DRC8: variants seen among roughly 807,000 people sequenced by gnomAD.
DRC8 encodes dynein regulatory complex protein 8.
chr1:245,003,865 A>G, the DRC8 span, among the ~76,000 whole-genome samples: 1 of 152,020 alleles, frequency 6.6e-6, no homozygotes, highest in African/African-American at 2.4e-5. Flanking sequence ...CAGCCTCCCA[A>G]AATGCTGGGA....
the DRC8 span, among the ~76,000 whole-genome samples, chr1:244,984,130 G>C: frequency 1.9e-4 from 28 of 150,314 alleles, no homozygotes; most frequent in Non-Finnish European, 3.1e-4. Flanking sequence ...AATTTTTTTG[G>C]GGGGGGGGAA....
chr1:245,107,938 C>T, the DRC8 span, among the ~76,000 whole-genome samples: 1 of 152,144 alleles, frequency 6.6e-6, no homozygotes, highest in African/African-American at 2.4e-5. Context: ...TGGAGGCTAA[C>T]TCCTCCTCTG....
chr1:245,098,874 C>T, the DRC8 span, among the ~76,000 whole-genome samples: 3 of 152,180 alleles, frequency 2.0e-5, no homozygotes, highest in Non-Finnish European at 2.9e-5. Flanking sequence ...GCCCGTGTGG[C>T]GGCTGTCGAA....
At chr1:245,087,292 A>G in the DRC8 span, 56 of 1,611,070 alleles carry the variant, frequency 3.5e-5, no homozygotes, top group Non-Finnish European at 4.6e-5. Flanking sequence ...GTCTGCTGCA[A>G]TTGATCCAGA....
the DRC8 span, among the ~76,000 whole-genome samples, chr1:245,003,056 G>T: frequency 6.6e-6 from 1 of 152,164 alleles, no homozygotes; most frequent in East Asian, 1.9e-4. Flanking sequence ...TTTGTCTTGT[G>T]TCTGACTTAT....
At chr1:245,004,791 A>G in the DRC8 span, among the ~76,000 whole-genome samples, 4 of 152,212 alleles carry the variant, frequency 2.6e-5, no homozygotes, top group Non-Finnish European at 5.9e-5. Flanking sequence ...TGAGTTTTTC[A>G]TAAATACCTT....
chr1:245,014,031 C>CA, the DRC8 span, among the ~76,000 whole-genome samples: 67,305 of 93,078 alleles, frequency 0.72, 24,816 homozygotes, highest in Admixed American at 0.75. Context: ...GACTCCATCT[C>CA]AAAAAAAAAA....
chr1:245,073,601 A>G, the DRC8 span, among the ~76,000 whole-genome samples: 1 of 152,084 alleles, frequency 6.6e-6, no homozygotes, highest in African/African-American at 2.4e-5. Flanking sequence ...ACAAACTCAA[A>G]TTTATTAATT....
chr1:245,057,199 T>C, the DRC8 span, among the ~76,000 whole-genome samples: 5 of 152,260 alleles, frequency 3.3e-5, no homozygotes, highest in East Asian at 9.7e-4. Context: ...TCCGGTTAGG[T>C]TGCAGTTCAC....
chr1:245,055,615 G>C, the DRC8 span, among the ~76,000 whole-genome samples: 1 of 152,104 alleles, frequency 6.6e-6, no homozygotes, highest in Admixed American at 6.6e-5. Context: ...GAGCCACCGC[G>C]CCTGGCCTGT....
the DRC8 span, among the ~76,000 whole-genome samples, chr1:245,000,298 G>A: frequency 3.3e-5 from 5 of 152,346 alleles, no homozygotes; most frequent in African/African-American, 9.6e-5. Flanking sequence ...GTGGAATGAC[G>A]TGAGATTTCA....
chr1:245,043,914 A>G, the DRC8 span: 1 of 152,250 alleles, frequency 6.6e-6, no homozygotes. Context: ...ATTCAGTTAT[A>G]TTAAAAAACA....
At chr1:245,068,576 G>A in the DRC8 span, among the ~76,000 whole-genome samples, 101 of 151,704 alleles carry the variant, frequency 6.7e-4, no homozygotes, top group African/African-American at 2.4e-3. Context: ...CAAATAGCTG[G>A]TACTACAGGT....
the DRC8 span, among the ~76,000 whole-genome samples, chr1:245,084,067 C>CCG: frequency 8.6e-3 from 1,021 of 118,204 alleles, 173 homozygotes; most frequent in Admixed American, 0.059. Flanking sequence ...ATTCCGCCCC[C>CCG]CCCCCGGCGC....
At chr1:245,037,429 C>A in the DRC8 span, among the ~76,000 whole-genome samples, 2 of 152,142 alleles carry the variant, frequency 1.3e-5, no homozygotes, top group Non-Finnish European at 2.9e-5. Context: ...TTCACACATT[C>A]ATAATTTTGA....
the DRC8 span, among the ~76,000 whole-genome samples, chr1:244,990,531 G>T: frequency 6.6e-6 from 1 of 152,052 alleles, no homozygotes; most frequent in Admixed American, 6.6e-5. Flanking sequence ...TATACTTTGG[G>T]TTATGAGCCA....
the DRC8 span, among the ~76,000 whole-genome samples, chr1:245,015,139 A>G: frequency 7.9e-5 from 12 of 152,026 alleles, no homozygotes; most frequent in African/African-American, 2.9e-4. Flanking sequence ...TTTCTTTGAG[A>G]CAAGGTCTGG....
chr1:244,984,813 C>T, the DRC8 span, among the ~76,000 whole-genome samples: 6 of 145,100 alleles, frequency 4.1e-5, no homozygotes, highest in Non-Finnish European at 3.0e-5. Context: ...CCAGCCTGGG[C>T]GACAGAGCAA....
At chr1:244,979,943 G>T in the DRC8 span, among the ~76,000 whole-genome samples, 1 of 148,782 alleles carries the variant, frequency 6.7e-6, no homozygotes, top group Non-Finnish European at 1.5e-5. Flanking sequence ...AGTGGCTCAC[G>T]CCTGTAATCC....
Sources: allele counts gnomAD v4.1 joint callset (sites outside exome capture counted in the v4.1 genomes callset), GRCh38; gene constraint gnomAD v4.1.1; transcripts MANE v1.5; gene names NCBI Gene and HGNC (gene_info 2026-07-23, HGNC 2026-07-21).